The following ST13 variants were observed in gnomAD, a reference collection of about 807,000 sequenced individuals.
ST13 encodes ST13 Hsp70 interacting protein.
ST13 carries 23 observed loss-of-function variants against 56.7 expected under a neutral mutation model. The observed-to-expected ratio is 0.41, with a 90% CI of 0.29 to 0.57. The LOEUF is 0.57. ST13 is among the 20% of genes least tolerant of loss of function. The pLI, the probability that ST13 is intolerant of heterozygous loss-of-function variation, is 0.36. For synonymous variants in ST13, 132 were observed against 142.4 expected (o/e 0.93, Z 0.52); for missense variants, 369 against 459.9 (o/e 0.80, Z 1.81).
intron 10 of ST13, 143 bp from the exon 11 acceptor site, chr22:40,827,372 G>A: frequency 1.4e-6 from 1 of 736,406 alleles, no homozygotes; most frequent in South Asian, 1.8e-5. Flanking sequence ...TAACCAGACT[G>A]CAACAAGACA....
chr22:40,825,824 GAT>G lies in ST13; in HGVS notation c.*712_*713del, dbSNP rs770019372. ...GAAATAATATGAAAAACACTTATTAGATATACTGGACAACAAGAGAACTAAGT... is the reference window on the plus strand; with the variant it reads ...GAAATAATATGAAAAACACTTATTAGATACTGGACAACAAGAGAACTAAGT... On this transcript the variant is annotated 3_prime_UTR_variant, in exon 12 of 12. Transcript: ENST00000216218. 8.5e-5 allele frequency: 13 copies of G among 152,408 alleles called. No individual in the cohort carries two copies. The highest frequency in any genetic ancestry group is 1.9e-4 in the Non-Finnish European group (13 of 68,024). 9.4% of individuals were successfully genotyped at this position (152,408 alleles called of 1,614,324 possible).
At chr22:40,839,373 C>A (rs184619552) in intron 5 of ST13, among the ~76,000 whole-genome samples, 4 of 152,296 alleles carry the variant, frequency 2.6e-5, no homozygotes, top group African/African-American at 4.8e-5. Flanking sequence ...GACACACTAT[C>A]ACTGTTATAA....
rs969659096 is a variant in ST13 at position 40,844,692 on chromosome 22, T to C, written c.315+147A>G. 7.8e-6 allele frequency: 5 copies of C among 640,340 alleles called. No individual in the cohort carries two copies. The African/African-American group carries it at 9.2e-5, about 12-fold the overall frequency. 39.7% of individuals were successfully genotyped at this position (640,340 alleles called of 1,614,324 possible). On this transcript the variant is annotated intron_variant, in intron 4 of 11. Coordinates refer to ENST00000216218, the MANE Select transcript of ST13 (RefSeq NM_003932.5). ...TTATTTTCATTAGTATTTTAAGTAG[T>C]AAAATACAATGCTTGCCTAAAACGC...
At chr22:40,833,852 C>T (rs1260884172) in intron 7 of ST13, among the ~76,000 whole-genome samples, 2 of 151,578 alleles carry the variant, frequency 1.3e-5, no homozygotes, top group Non-Finnish European at 2.9e-5. Flanking sequence ...GGTGAAGGAG[C>T]AAAATGCCTC....
intron 2 of ST13, 101 bp downstream of exon 2, chr22:40,850,722 G>T: frequency 1.2e-6 from 1 of 840,230 alleles, no homozygotes; most frequent in South Asian, 1.6e-5. Flanking sequence ...GTGATCTTGG[G>T]GAAATCAGGA....
At chr22:40,842,518 AC>A (rs1482146137) in intron 4 of ST13, among the ~76,000 whole-genome samples, 1 of 152,232 alleles carries the variant, frequency 6.6e-6, no homozygotes, top group East Asian at 1.9e-4. Context: ...TCCAATTCAA[AC>A]ATCAATGGAA....
rs747762861 is a variant in ST13 at position 40,840,694 on chromosome 22, T to C, written c.316-2A>G. The C allele has an allele frequency of 1.9e-6, 3 of 1,606,880 alleles. No individual in the cohort carries two copies. The highest frequency in any genetic ancestry group is 2.5e-6 in the Non-Finnish European group (3 of 1,177,670). ...CTGATCCATCATCTCCTCCGTTATCTAGGAAGAAAATAAAAATCATCTTAG... is the reference window on the plus strand; with the variant it reads ...CTGATCCATCATCTCCTCCGTTATCCAGGAAGAAAATAAAAATCATCTTAG... On this transcript the variant is annotated splice_acceptor_variant, in intron 4 of 11. Coordinates refer to ENST00000216218, the MANE Select transcript of ST13 (RefSeq NM_003932.5). LOFTEE classifies it high-confidence loss of function.
At chr22:40,845,547 C>T (rs2057826584) in intron 3 of ST13, among the ~76,000 whole-genome samples, 1 of 151,922 alleles carries the variant, frequency 6.6e-6, no homozygotes, top group Non-Finnish European at 1.5e-5. Context: ...GAATCAAGTA[C>T]CAAGGCTAGA....
At chr22:40,845,463 T>C (rs1245514496) in intron 3 of ST13, among the ~76,000 whole-genome samples, 1 of 152,078 alleles carries the variant, frequency 6.6e-6, no homozygotes, top group Non-Finnish European at 1.5e-5. Flanking sequence ...CTGCACCTGG[T>C]CCCTAATTAT....
intron 10 of ST13, among the ~76,000 whole-genome samples, chr22:40,828,913 A>C (rs932828814): frequency 2.0e-5 from 3 of 152,224 alleles, no homozygotes; most frequent in Non-Finnish European, 4.4e-5. Flanking sequence ...TAAAATGTAC[A>C]TAACAGAAAA....
chr22:40,839,813 AT>A (rs1352337358), intron 5 of ST13, among the ~76,000 whole-genome samples: 1 of 151,586 alleles, frequency 6.6e-6, no homozygotes, highest in African/African-American at 2.4e-5. Flanking sequence ...AAAGAAAAAA[AT>A]AATAACCTAT....
chr22:40,844,224 C>A (rs1178335985), intron 4 of ST13, among the ~76,000 whole-genome samples: 1 of 152,078 alleles, frequency 6.6e-6, no homozygotes, highest in African/African-American at 2.4e-5. Context: ...TACCATTTCC[C>A]ACAATACTTG....
At chr22:40,844,694 A>C in intron 4 of ST13, 145 bp downstream of exon 4, 1 of 646,022 alleles carries the variant, frequency 1.5e-6, no homozygotes, top group Non-Finnish European at 2.7e-6. Context: ...TTAAGTAGTA[A>C]AATACAATGC....
At chr22:40,839,455 A>G (rs2145740014) in intron 5 of ST13, among the ~76,000 whole-genome samples, 1 of 152,288 alleles carries the variant, frequency 6.6e-6, no homozygotes, top group Non-Finnish European at 1.5e-5. Flanking sequence ...ATTATAACCG[A>G]TCAAACATTA....
chr22:40,836,436 C>A (rs2057777957), intron 5 of ST13, among the ~76,000 whole-genome samples: 2 of 151,794 alleles, frequency 1.3e-5, no homozygotes, highest in African/African-American at 4.8e-5. Flanking sequence ...CAGCACGACT[C>A]CGTCTCAAAA....
chr22:40,839,342 T>C (rs1989082526), intron 5 of ST13, among the ~76,000 whole-genome samples: 1 of 152,214 alleles, frequency 6.6e-6, no homozygotes, highest in Admixed American at 6.5e-5. Context: ...TACAATAGCA[T>C]CTAGTCAACT....
chr22:40,839,834 G>A lies in ST13; in HGVS notation c.382+792C>T, dbSNP rs112971423. On this transcript the variant is annotated intron_variant, in intron 5 of 11. Transcript: ENST00000216218. ...AAAAATAATAACCTATTGTTACCTT[G>A]GAGAGTTAAAAAAATAAATATATAT... 4.7e-5 allele frequency among the ~76,000 whole-genome samples: 7 copies of A among 149,976 alleles called. 1 individual carries two copies. Among genetic ancestry groups the A allele is most frequent in the African/African-American group, 1.7e-4 (7 of 40,902 alleles).
At chr22:40,846,066 A>G (rs1395060710) in intron 3 of ST13, among the ~76,000 whole-genome samples, 1 of 152,132 alleles carries the variant, frequency 6.6e-6, no homozygotes, top group Non-Finnish European at 1.5e-5. Flanking sequence ...TCTCCCAGGT[A>G]GCTGGGATTA....
rs551046894 is a variant in ST13, at chr22:40,832,047, G to A, written c.681+522C>T. ...CTTTTTGTACTTTTAGTAGAGACAGGGTTTCACTACGTTGGCCAGGCTGGT... is the reference window on the plus strand; with the variant it reads ...CTTTTTGTACTTTTAGTAGAGACAGAGTTTCACTACGTTGGCCAGGCTGGT... On this transcript the variant is annotated intron_variant, in intron 8 of 11. Transcript: ENST00000216218. 6.3e-5 allele frequency: 23 copies of A among 363,690 alleles called. No homozygotes were observed. The East Asian group carries it at 1.6e-3, about 26-fold the overall frequency. The allele number at this position is 363,690 out of a possible 1,614,324, so 22.5% of individuals were successfully genotyped here.
Sources: allele counts gnomAD v4.1 joint callset (sites outside exome capture counted in the v4.1 genomes callset), GRCh38; gene constraint gnomAD v4.1.1; transcripts MANE v1.5; gene names NCBI Gene and HGNC (gene_info 2026-07-23, HGNC 2026-07-21).